The following ABCC4 variants were observed in gnomAD, a reference collection of about 807,000 sequenced individuals.
The protein encoded by ABCC4 is ATP-binding cassette sub-family C member 4.
Under a neutral mutation model 168.5 loss-of-function variants are expected in ABCC4, and 102 were observed. That is an observed-to-expected ratio of 0.61 (90% CI 0.52 to 0.71). ABCC4 has a LOEUF of 0.71. Among genes scored for constraint, ABCC4 ranks in the 30% least tolerant of loss-of-function variants. The pLI is 0.00. For missense variants in ABCC4, 1,402 were observed against 1,605.8 expected, an observed-to-expected ratio of 0.87 and a Z score of 2.17; for synonymous variants, 617 against 590.7, an observed-to-expected ratio of 1.04 and a Z score of -0.65.
At chr13:95,195,004 G>C in intron 8 of ABCC4, 67 bp from the exon 9 acceptor site, 1 of 1,328,274 alleles carries the variant, frequency 7.5e-7, no homozygotes, top group Non-Finnish European at 1.1e-6. Flanking sequence ...AAAAGTCACT[G>C]CTTCCATGGA....
At chr13:95,082,989 C>T (rs1369057452) in intron 21 of ABCC4, 151 bp downstream of exon 21, 2 of 883,328 alleles carry the variant, frequency 2.3e-6, no homozygotes. Flanking sequence ...CTAAGGGACA[C>T]AATGATTCAT....
chr13:95,049,272 T>A (rs1439830883), intron 27 of ABCC4, among the ~76,000 whole-genome samples: 1 of 151,758 alleles, frequency 6.6e-6, no homozygotes, highest in Non-Finnish European at 1.5e-5. Context: ...AGGTAGAGTT[T>A]GCAGTGAGCT....
chr13:95,067,540 G>A lies in ABCC4; in HGVS notation c.3210+4122C>T, dbSNP rs4148535. On this transcript the variant is annotated intron_variant, in intron 25 of 30. Transcript: ENST00000645237. ...AGGAGTGGGGGTGGTTCTTGTCCCA[G>A]TGCAATTTTAATCAAAAGGGTGGGG... is the stretch of plus-strand genomic sequence containing the variant. Among the ~76,000 whole-genome samples the A allele has an allele frequency of 1.0e-3, 157 of 151,898 alleles. 1 individual carries two copies. In the East Asian group the frequency reaches 0.022, roughly 22 times the overall value.
chr13:95,217,016 G>A (rs905586908), intron 4 of ABCC4, among the ~76,000 whole-genome samples: 11 of 152,106 alleles, frequency 7.2e-5, no homozygotes, highest in Admixed American at 4.6e-4. Context: ...TCTAATTATT[G>A]GTTACTCTAG....
chr13:95,280,416 C>CAA lies in ABCC4; in HGVS notation c.74+20823_74+20824dup, dbSNP rs10708482. ...TGGGTGACAGAGTGAGACTCCATCT[C>CAA]AAAAAAAAAAAAAAAAAAGGCCTAA... On this transcript the variant is annotated intron_variant, in intron 1 of 30. Transcript: ENST00000645237. Among the ~76,000 whole-genome samples, 10 of 90,454 alleles carry CAA rather than the reference C, an allele frequency of 1.1e-4. No individual in the cohort carries two copies. The South Asian group carries it at 1.1e-3, about 10-fold the overall frequency. The allele number at this position is 90,454 out of a possible 152,430, so 59.3% of individuals were successfully genotyped here.
At chr13:95,136,820 C>A (rs1051768530) in intron 19 of ABCC4, among the ~76,000 whole-genome samples, 4 of 152,212 alleles carry the variant, frequency 2.6e-5, no homozygotes, top group Non-Finnish European at 5.9e-5. Flanking sequence ...TGGGAACATG[C>A]CTGCCGAACG....
At chr13:95,167,903 G>T (rs980177894) in intron 14 of ABCC4, among the ~76,000 whole-genome samples, 2 of 152,196 alleles carry the variant, frequency 1.3e-5, no homozygotes, top group Non-Finnish European at 2.9e-5. Flanking sequence ...GTCTCAGTCT[G>T]TTGCCCAGGC....
At chr13:95,287,328 C>A (rs2041284228) in intron 1 of ABCC4, among the ~76,000 whole-genome samples, 2 of 151,548 alleles carry the variant, frequency 1.3e-5, no homozygotes, top group African/African-American at 4.9e-5. Flanking sequence ...GTGGCTCACG[C>A]CTCTAATCCC....
chr13:95,209,141 T>G (rs908983653), intron 6 of ABCC4, among the ~76,000 whole-genome samples: 2 of 152,252 alleles, frequency 1.3e-5, no homozygotes, highest in Non-Finnish European at 2.9e-5. Context: ...TTATTCATTA[T>G]ATGTTTAACT....
chr13:95,255,475 G>A (rs901500739), intron 1 of ABCC4, among the ~76,000 whole-genome samples: 4 of 152,134 alleles, frequency 2.6e-5, no homozygotes, highest in Admixed American at 1.3e-4. Context: ...CACAGGCATC[G>A]CTGGAATGGA....
At chr13:95,093,504 T>C (rs1729751) in intron 20 of ABCC4, among the ~76,000 whole-genome samples, 69,369 of 151,872 alleles carry the variant, frequency 0.46, 17,536 homozygotes, top group South Asian at 0.69. Context: ...CCTTTAAGAT[T>C]AAAACTCTCA....
intron 1 of ABCC4, among the ~76,000 whole-genome samples, chr13:95,271,412 G>A (rs1434830025): frequency 2.0e-5 from 3 of 152,098 alleles, no homozygotes; most frequent in Non-Finnish European, 4.4e-5. Context: ...AAGGTCACAC[G>A]CTGGCCTTTG....
intron 11 of ABCC4, among the ~76,000 whole-genome samples, chr13:95,182,122 A>G (rs1482487289): frequency 6.6e-6 from 1 of 152,164 alleles, no homozygotes; most frequent in Non-Finnish European, 1.5e-5. Flanking sequence ...GTCACTAAGG[A>G]GTGATATGGT....
chr13:95,284,811 C>T (rs1444376751), intron 1 of ABCC4, among the ~76,000 whole-genome samples: 3 of 152,164 alleles, frequency 2.0e-5, no homozygotes, highest in African/African-American at 7.2e-5. Context: ...GGCTCTGCCA[C>T]TCAAAGGCTG....
intron 1 of ABCC4, among the ~76,000 whole-genome samples, chr13:95,298,832 T>A (rs1423102851): frequency 1.3e-5 from 2 of 152,142 alleles, no homozygotes; most frequent in Admixed American, 1.3e-4. Context: ...TTAAGTGTCC[T>A]CGGAGTAAAA....
rs1275043272 is a variant in ABCC4, at chr13:95,218,989, G to GAAAGAAAAAA, written c.532-8209_532-8208insTTTTTTCTTT. On this transcript the variant is annotated intron_variant, in intron 4 of 30. Coordinates refer to ENST00000645237, the MANE Select transcript of ABCC4 (RefSeq NM_005845.5). ...AGAAAGAAAGAAAGAAAGAAAGAGTGAGAAAGAAAGAAAGAGTGAGAAAGA... is the reference window on the plus strand; with the variant it reads ...AGAAAGAAAGAAAGAAAGAAAGAGTGAAAGAAAAAAAGAAAGAAAGAAAGAGTGAGAAAGA... Among the ~76,000 whole-genome samples the GAAAGAAAAAA allele has an allele frequency of 3.7e-3, 238 of 63,792 alleles. 12 individuals are homozygous for GAAAGAAAAAA. The highest frequency in any genetic ancestry group is 8.5e-3 in the African/African-American group (158 of 18,692). 41.9% of individuals were successfully genotyped at this position (63,792 alleles called of 152,430 possible). A position where few individuals can be genotyped will look rare whatever the true frequency, so the allele number is the denominator to read the frequency against.
At chr13:95,296,699 G>C (rs1025570332) in intron 1 of ABCC4, among the ~76,000 whole-genome samples, 1 of 152,152 alleles carries the variant, frequency 6.6e-6, no homozygotes, top group Non-Finnish European at 1.5e-5. Flanking sequence ...GATCACCTCT[G>C]GATCAGGTGT....
At position 95,210,691 on chromosome 13, in the gene ABCC4, C is replaced by T; in HGVS notation, c.621+1G>A. ...AAAAGGATCCCTGAGCTGCAGCTTA[C>T]CTGATCAAACTTGTTCACATCATTG... On this transcript the variant is annotated splice_donor_variant, in intron 5 of 30. Transcript: ENST00000645237. LOFTEE classifies it high-confidence loss of function. 1 of 1,613,568 alleles carries T rather than the reference C, an allele frequency of 6.2e-7. No individual in the cohort carries two copies. Among genetic ancestry groups the T allele is most frequent in the Non-Finnish European group, 8.5e-7 (1 of 1,179,514 alleles).
chr13:95,033,854 G>T (rs2032001349), intron 30 of ABCC4, among the ~76,000 whole-genome samples: 1 of 152,158 alleles, frequency 6.6e-6, no homozygotes, highest in South Asian at 2.1e-4. Context: ...TAGAGACGGG[G>T]TTTCTCCGTG....
Sources: allele counts gnomAD v4.1 joint callset (sites outside exome capture counted in the v4.1 genomes callset), GRCh38; gene constraint gnomAD v4.1.1; transcripts MANE v1.5; gene names NCBI Gene and HGNC (gene_info 2026-07-23, HGNC 2026-07-21).